TTC17: variants seen among roughly 807,000 people sequenced by gnomAD.
The protein encoded by TTC17 is tetratricopeptide repeat protein 17.
Under a neutral mutation model 143.8 loss-of-function variants are expected in TTC17, and 58 were observed. That is an observed-to-expected ratio of 0.40 (90% CI 0.33 to 0.50). TTC17 has a LOEUF of 0.50. Among genes scored for constraint, TTC17 ranks in the 20% least tolerant of loss-of-function variants. The probability of loss-of-function intolerance (pLI) is 0.49; values close to 1 mark genes in which losing one functional copy is unlikely to be tolerated. For synonymous variants in TTC17, 501 were observed against 497.8 expected, an observed-to-expected ratio of 1.01 and a Z score of -0.09; for missense variants, 1,273 against 1,392.5, an observed-to-expected ratio of 0.91 and a Z score of 1.37.
chr11:43,489,470 G>C (rs1948434498), intron 21 of TTC17, among the ~76,000 whole-genome samples: 1 of 152,208 alleles, frequency 6.6e-6, no homozygotes, highest in Admixed American at 6.5e-5. Context: ...GGGCATGGTG[G>C]CTTATGCCTG....
At chr11:43,485,081 G>T (rs1267816050) in intron 21 of TTC17, among the ~76,000 whole-genome samples, 2 of 151,914 alleles carry the variant, frequency 1.3e-5, no homozygotes, top group African/African-American at 4.8e-5. Flanking sequence ...TTATTTCACA[G>T]TGTAATAATA....
intron 16 of TTC17, among the ~76,000 whole-genome samples, chr11:43,431,961 ATTTG>A (rs1947169923): frequency 6.6e-6 from 1 of 152,222 alleles, no homozygotes; most frequent in Non-Finnish European, 1.5e-5. Context: ...CTCTCAATTC[ATTTG>A]TGGCATTTCT....
chr11:43,452,105 C>A (rs938156765), intron 21 of TTC17, among the ~76,000 whole-genome samples: 1 of 152,168 alleles, frequency 6.6e-6, no homozygotes, highest in African/African-American at 2.4e-5. Flanking sequence ...TTTCAGAAAA[C>A]GTCAGCAAAA....
intron 16 of TTC17, among the ~76,000 whole-genome samples, 168 bp downstream of exon 16, chr11:43,414,944 CT>C (rs1477069811): frequency 6.6e-6 from 1 of 152,040 alleles, no homozygotes; most frequent in African/African-American, 2.4e-5. Flanking sequence ...CTATAGATGC[CT>C]TAGGGTATTA....
chr11:43,487,132 CTTTT>C (rs1360740579), intron 21 of TTC17, among the ~76,000 whole-genome samples: 1 of 151,890 alleles, frequency 6.6e-6, no homozygotes, highest in African/African-American at 2.4e-5. Flanking sequence ...AAAGAAATAA[CTTTT>C]TTGTTTGTTT....
At chr11:43,380,191 T>C (rs1397936179) in intron 2 of TTC17, among the ~76,000 whole-genome samples, 1 of 152,188 alleles carries the variant, frequency 6.6e-6, no homozygotes, top group Non-Finnish European at 1.5e-5. Context: ...AAGCAAGATA[T>C]GGCAGAACCA....
chr11:43,447,958 C>T, intron 18 of TTC17, 44 bp from the exon 19 acceptor site: 3 of 1,605,494 alleles, frequency 1.9e-6, no homozygotes, highest in East Asian at 2.2e-5. Context: ...TTTGGGTTCT[C>T]TTCCTTTGCA....
At chr11:43,387,124 A>G (rs1176000406) in intron 2 of TTC17, among the ~76,000 whole-genome samples, 1 of 152,214 alleles carries the variant, frequency 6.6e-6, no homozygotes, top group Non-Finnish European at 1.5e-5. Flanking sequence ...ATTGGGGGGA[A>G]AAAATAAGCA....
chr11:43,417,790 G>T (rs1946810254), intron 16 of TTC17, among the ~76,000 whole-genome samples: 1 of 152,230 alleles, frequency 6.6e-6, no homozygotes. Context: ...GGCAGAGGTT[G>T]CGGTGAGCTG....
At chr11:43,438,769 T>C (rs1947348353) in intron 16 of TTC17, among the ~76,000 whole-genome samples, 1 of 152,184 alleles carries the variant, frequency 6.6e-6, no homozygotes, top group Non-Finnish European at 1.5e-5. Flanking sequence ...CTCCCTAAAC[T>C]CCTTGAAACT....
In TTC17 at chr11:43,383,089, G is replaced by A. The variant is rs183499189; in HGVS notation, c.249+3767G>A. On this transcript the variant is annotated intron_variant, in intron 2 of 23. Coordinates refer to ENST00000039989, the MANE Select transcript of TTC17 (RefSeq NM_018259.6). ...TTTTTTTATTTTTTGTAGAGACAGC[G>A]TCTCACTTTGTTGCCTAGGCTGGTT... is the stretch of plus-strand genomic sequence containing the variant. 3.0e-3 allele frequency among the ~76,000 whole-genome samples: 458 copies of A among 151,900 alleles called. 2 individuals carry two copies. Among genetic ancestry groups the A allele is most frequent in the Non-Finnish European group, 4.9e-3 (334 of 67,976 alleles).
At chr11:43,367,754 TACAG>T (rs1195523024) in intron 1 of TTC17, among the ~76,000 whole-genome samples, 11 of 151,468 alleles carry the variant, frequency 7.3e-5, no homozygotes, top group East Asian at 1.9e-4. Flanking sequence ...GTGTCTCTTT[TACAG>T]ACAGACACCC....
At chr11:43,493,304 G>A (rs1005261754) in intron 23 of TTC17, among the ~76,000 whole-genome samples, 1 of 152,154 alleles carries the variant, frequency 6.6e-6, no homozygotes, top group Non-Finnish European at 1.5e-5. Context: ...TTGAGATACC[G>A]GACTTAGTTT....
chr11:43,461,336 A>G (rs941582572), intron 21 of TTC17, among the ~76,000 whole-genome samples: 2 of 135,064 alleles, frequency 1.5e-5, no homozygotes, highest in African/African-American at 5.4e-5. Flanking sequence ...GTGAGCCGAG[A>G]TTGCGCCACT....
intron 18 of TTC17, 36 bp from the exon 19 acceptor site, chr11:43,447,966 G>T (rs1252726468): frequency 6.2e-7 from 1 of 1,608,412 alleles, no homozygotes; most frequent in Non-Finnish European, 8.5e-7. Context: ...CTCTTCCTTT[G>T]CAATTGTGTG....
chr11:43,425,600 C>T (rs116659956), intron 16 of TTC17, among the ~76,000 whole-genome samples: 1 of 152,066 alleles, frequency 6.6e-6, no homozygotes, highest in Non-Finnish European at 1.5e-5. Context: ...TAGAAAAGAG[C>T]ATTCGTGAGA....
chr11:43,459,738 T>C lies in TTC17; in HGVS notation c.3030+8473T>C, dbSNP rs562062851. Among the ~76,000 whole-genome samples the C allele has an allele frequency of 5.9e-5, 9 of 152,368 alleles. No homozygotes were observed. In the South Asian group the frequency reaches 1.9e-3, roughly 32 times the overall value. ...TTTTACTTTAGGATGGTATGAAAGC[T>C]ATATGCATTCAGTAGCAACCATACT... On this transcript the variant is annotated intron_variant, in intron 21 of 23. Coordinates refer to ENST00000039989, the MANE Select transcript of TTC17 (RefSeq NM_018259.6).
At chr11:43,437,458 A>G (rs1947317729) in intron 16 of TTC17, among the ~76,000 whole-genome samples, 3 of 152,342 alleles carry the variant, frequency 2.0e-5, no homozygotes, top group South Asian at 4.1e-4. Flanking sequence ...ATCAATACAG[A>G]ATTTTAAAGG....
chr11:43,381,004 A>G (rs759405725), intron 2 of TTC17, among the ~76,000 whole-genome samples: 1 of 152,168 alleles, frequency 6.6e-6, no homozygotes, highest in Non-Finnish European at 1.5e-5. Context: ...GACACATTGT[A>G]TATGTTTATT....
Sources: allele counts gnomAD v4.1 joint callset (sites outside exome capture counted in the v4.1 genomes callset), GRCh38; gene constraint gnomAD v4.1.1; transcripts MANE v1.5; gene names NCBI Gene and HGNC (gene_info 2026-07-23, HGNC 2026-07-21).